GNG7: variants seen among roughly 807,000 people sequenced by gnomAD.
GNG7 encodes guanine nucleotide-binding protein G(I)/G(S)/G(O) subunit gamma-7.
A neutral mutation model predicts 4.0 loss-of-function variants in GNG7; 1 was observed. That is an observed-to-expected ratio of 0.25 (90% CI 0.09 to 1.18). The LOEUF (loss-of-function observed/expected upper bound fraction) is 1.18, where lower values mean the gene tolerates loss of function less well. Among genes scored for constraint, GNG7 ranks in the 50% most tolerant of loss-of-function variants. The pLI, the probability that GNG7 is intolerant of heterozygous loss-of-function variation, is 0.50. For synonymous variants in GNG7, 34 were observed against 36.9 expected (o/e 0.92, Z 0.29); for missense variants, 86 against 91.9 (o/e 0.94, Z 0.26).
At chr19:2,629,199 T>C (rs978733199) in intron 2 of GNG7, among the ~76,000 whole-genome samples, 1 of 152,174 alleles carries the variant, frequency 6.6e-6, no homozygotes, top group Non-Finnish European at 1.5e-5. Flanking sequence ...GATATCTTAG[T>C]AGGTCTCTCT....
At chr19:2,696,197 G>GA (rs1247520764) in intron 1 of GNG7, among the ~76,000 whole-genome samples, 2 of 122,888 alleles carry the variant, frequency 1.6e-5, no homozygotes, top group African/African-American at 5.6e-5. Context: ...AGAGAGAGGG[G>GA]AGAGAGGGGA....
intron 1 of GNG7, among the ~76,000 whole-genome samples, chr19:2,687,556 C>T (rs939000630): frequency 5.9e-5 from 9 of 152,000 alleles, no homozygotes; most frequent in Non-Finnish European, 8.8e-5. Context: ...GCAGAGGTTG[C>T]GGTGAGCCGA....
intron 2 of GNG7, among the ~76,000 whole-genome samples, chr19:2,606,940 G>A (rs1452802233): frequency 6.6e-6 from 1 of 151,864 alleles, no homozygotes; most frequent in Non-Finnish European, 1.5e-5. Context: ...GTAAACAAGG[G>A]CCGGGCACCG....
chr19:2,558,471 C>T (rs1045975645), intron 2 of GNG7, among the ~76,000 whole-genome samples: 8 of 151,590 alleles, frequency 5.3e-5, no homozygotes, highest in Admixed American at 2.6e-4. Context: ...TGGGCCCAAG[C>T]GATCCTCCCA....
intron 2 of GNG7, among the ~76,000 whole-genome samples, chr19:2,572,483 G>A (rs1267491760): frequency 1.3e-5 from 2 of 152,088 alleles, no homozygotes; most frequent in Non-Finnish European, 2.9e-5. Context: ...CCAGGCTGGA[G>A]TGCAGTGGCC....
At chr19:2,598,106 C>T (rs966146835) in intron 2 of GNG7, among the ~76,000 whole-genome samples, 106 of 152,192 alleles carry the variant, frequency 7.0e-4, no homozygotes, top group African/African-American at 2.4e-3. Flanking sequence ...GCTCTCCACT[C>T]GGCTCTGTCC....
chr19:2,630,389 A>G (rs1422755169), intron 2 of GNG7, among the ~76,000 whole-genome samples: 1 of 152,134 alleles, frequency 6.6e-6, no homozygotes, highest in Non-Finnish European at 1.5e-5. Flanking sequence ...AGAGGTAAAT[A>G]AGGTCCTAAA....
Position 2,675,317 on chromosome 19 carries a change from C to T in GNG7, c.-135+27329G>A, listed in dbSNP as rs116818060. 9.4e-3 allele frequency among the ~76,000 whole-genome samples: 1,426 copies of T among 152,220 alleles called. 33 individuals carry two copies. Among genetic ancestry groups the T allele is most frequent in the African/African-American group, 0.033 (1,357 of 41,534 alleles). On this transcript the variant is annotated intron_variant, in intron 1 of 4. Coordinates refer to ENST00000382159, the MANE Select transcript of GNG7 (RefSeq NM_052847.3). Reference sequence around the variant, plus strand: ...AGGAACAGCAGCAAGTGCACGGGCTCGGGAATGGGAATCTGGCTTTATGGA... The same window carrying T: ...AGGAACAGCAGCAAGTGCACGGGCTTGGGAATGGGAATCTGGCTTTATGGA...
At chr19:2,527,328 A>G (rs1978437557) in intron 3 of GNG7, among the ~76,000 whole-genome samples, 1 of 151,934 alleles carries the variant, frequency 6.6e-6, no homozygotes, top group African/African-American at 2.4e-5. Context: ...CACCACTCCC[A>G]CCGGCCCTCA....
chr19:2,590,713 TCATCCATCCATC>T (rs1231833220), intron 2 of GNG7, among the ~76,000 whole-genome samples: 1 of 68,374 alleles, frequency 1.5e-5, no homozygotes, highest in Non-Finnish European at 3.2e-5. Flanking sequence ...ATCCACCCAT[TCATCCATCCATC>T]CATCCATCCA....
intron 3 of GNG7, among the ~76,000 whole-genome samples, chr19:2,542,439 C>T (rs1281275789): frequency 6.6e-6 from 1 of 151,914 alleles, no homozygotes; most frequent in African/African-American, 2.4e-5. Context: ...TTCATTTGTG[C>T]ACTGAATGTT....
At chr19:2,590,449 C>A (rs188611696) in intron 2 of GNG7, among the ~76,000 whole-genome samples, 355 of 152,202 alleles carry the variant, frequency 2.3e-3, no homozygotes, top group African/African-American at 8.1e-3. Flanking sequence ...ATCCACCCAT[C>A]CATTCACTCA....
rs145443709 is a variant in GNG7 at position 2,665,361 on chromosome 19, T to TGGG, written c.-134-19084_-134-19082dup. ...TCCCCAGACATGGCCCAGTGTCCCC[T>TGGG]GGGGGGGGGGGGGCAGGATCACCCT... On this transcript the variant is annotated intron_variant, in intron 1 of 4. Coordinates refer to ENST00000382159, the MANE Select transcript of GNG7 (RefSeq NM_052847.3). Among the ~76,000 whole-genome samples the TGGG allele has an allele frequency of 7.7e-4, 102 of 132,798 alleles. 2 individuals carry two copies. Among genetic ancestry groups the TGGG allele is most frequent in the African/African-American group, 2.9e-3 (97 of 33,418 alleles). 87.1% of individuals were successfully genotyped at this position (132,798 alleles called of 152,430 possible). A position where few individuals can be genotyped will look rare whatever the true frequency, so the allele number is the denominator to read the frequency against.
chr19:2,553,497 T>G (rs1006158815), intron 3 of GNG7, among the ~76,000 whole-genome samples: 2 of 146,496 alleles, frequency 1.4e-5, no homozygotes, highest in Non-Finnish European at 3.0e-5. Flanking sequence ...ATATTTTATA[T>G]GTACATCTCA....
chr19:2,629,436 C>T (rs574906635), intron 2 of GNG7, among the ~76,000 whole-genome samples: 2 of 152,298 alleles, frequency 1.3e-5, no homozygotes, highest in Admixed American at 1.3e-4. Context: ...CACAGAGTCA[C>T]AGACGGGTCA....
At chr19:2,582,446 A>C (rs1980528233) in intron 2 of GNG7, among the ~76,000 whole-genome samples, 1 of 152,138 alleles carries the variant, frequency 6.6e-6, no homozygotes, top group African/African-American at 2.4e-5. Flanking sequence ...AAAAAAGATT[A>C]TAGATCATAC....
chr19:2,538,351 G>T (rs963426752), intron 3 of GNG7: 2 of 448,334 alleles, frequency 4.5e-6, no homozygotes, highest in Non-Finnish European at 9.0e-6. Flanking sequence ...CAGCAGTGGT[G>T]GTGACTCATG....
intron 4 of GNG7, among the ~76,000 whole-genome samples, chr19:2,518,194 A>T (rs1978292355): frequency 6.6e-6 from 1 of 151,876 alleles, no homozygotes; most frequent in South Asian, 2.1e-4. Context: ...GGAGCTGGGG[A>T]TGTAAAACCT....
intron 3 of GNG7, among the ~76,000 whole-genome samples, chr19:2,544,669 G>C (rs1044574664): frequency 1.3e-5 from 2 of 152,164 alleles, no homozygotes; most frequent in Admixed American, 1.3e-4. Context: ...GGGATTTTAG[G>C]CATGAGCCAC....
Sources: allele counts gnomAD v4.1 joint callset (sites outside exome capture counted in the v4.1 genomes callset), GRCh38; gene constraint gnomAD v4.1.1; transcripts MANE v1.5; gene names NCBI Gene and HGNC (gene_info 2026-07-23, HGNC 2026-07-21).